NCAPD3: variants seen among roughly 807,000 people sequenced by gnomAD.
NCAPD3 encodes the protein condensin-2 complex subunit D3.
NCAPD3 carries 105 observed loss-of-function variants against 182.9 expected under a neutral mutation model. The observed-to-expected ratio is 0.57, with a 90% CI of 0.49 to 0.68. The LOEUF is 0.68. Among genes scored for constraint, NCAPD3 ranks in the 30% least tolerant of loss-of-function variants. The pLI is 0.00. For synonymous variants in NCAPD3, 815 were observed against 679.9 expected (o/e 1.20, Z -3.09); for missense variants, 1,944 against 1,837.0 (o/e 1.06, Z -1.07).
At chr11:134,197,152 C>A (rs1429999058) in intron 13 of NCAPD3, among the ~76,000 whole-genome samples, 1 of 152,072 alleles carries the variant, frequency 6.6e-6, no homozygotes, top group African/African-American at 2.4e-5. Flanking sequence ...TGGCTTTCTG[C>A]TATGATTCTA....
chr11:134,159,939 C>T lies in NCAPD3; in HGVS notation c.3820G>A (p.Asp1274Asn), dbSNP rs1211992322. The T allele has an allele frequency of 6.2e-7, 1 of 1,613,990 alleles. No individual in the cohort carries two copies. Among genetic ancestry groups the T allele is most frequent in the South Asian group, 1.1e-5 (1 of 91,078 alleles). The change falls in exon 29 of 35, where the codon GAT (aspartate) becomes AAT (asparagine). Residue 1274 changes from aspartate (D) to asparagine (N), a missense_variant. Asp to Asn is a conservative substitution (Grantham distance 23). This residue lies in a region of NCAPD3 where 1,803 missense variants were observed against 1,674.6 expected (regional missense o/e 1.08). Transcript: ENST00000534548. ...VQEQELAKHA[D>N]VAGTAGGAEV... ...GCACCTCCAGCCGTCCCGGCCACAT[C>T]TGCATGTTTTGCTAGCTCCTGCTCC...
At chr11:134,175,220 G>T (rs768194033) in intron 24 of NCAPD3, among the ~76,000 whole-genome samples, 1 of 152,124 alleles carries the variant, frequency 6.6e-6, no homozygotes, top group Non-Finnish European at 1.5e-5. Flanking sequence ...GGAAATGCAG[G>T]TTAAGTAACC....
intron 2 of NCAPD3, among the ~76,000 whole-genome samples, chr11:134,220,049 C>T (rs1938169526): frequency 6.6e-6 from 1 of 152,172 alleles, no homozygotes; most frequent in South Asian, 2.1e-4. Flanking sequence ...CCACCTCGGC[C>T]TCCCAAAGTA....
At position 134,218,829 on chromosome 11, in the gene NCAPD3, C is replaced by G. The variant is rs144421105; in HGVS notation, c.220-1731G>C. On this transcript the variant is annotated intron_variant, in intron 2 of 34. Transcript: ENST00000534548. Reference sequence around the variant, plus strand: ...ACTCATAACACCTGGATCACCAATACAGTCTCCCAAGGGCTCTCCCTGCAC... The same window carrying G: ...ACTCATAACACCTGGATCACCAATAGAGTCTCCCAAGGGCTCTCCCTGCAC... Among the ~76,000 whole-genome samples the G allele has an allele frequency of 5.2e-3, 786 of 152,288 alleles. 8 individuals are homozygous for G. Among genetic ancestry groups the G allele is most frequent in the African/African-American group, 0.018 (742 of 41,544 alleles).
chr11:134,163,924 G>A (rs1482120184), intron 27 of NCAPD3, among the ~76,000 whole-genome samples: 3 of 150,968 alleles, frequency 2.0e-5, no homozygotes, highest in Non-Finnish European at 4.4e-5. Context: ...CTGGCAGCAA[G>A]GTGGTACATG....
chr11:134,196,341 GAGTAAAGA>G (rs1944627088), intron 13 of NCAPD3, among the ~76,000 whole-genome samples: 1 of 152,028 alleles, frequency 6.6e-6, no homozygotes, highest in African/African-American at 2.4e-5. Context: ...TACCTGTAAC[GAGTAAAGA>G]AACTAAATTA....
intron 4 of NCAPD3, among the ~76,000 whole-genome samples, chr11:134,210,055 C>CAAAAAG (rs549596236): frequency 9.3e-5 from 14 of 150,540 alleles, no homozygotes; most frequent in Admixed American, 3.3e-4. Context: ...GACTCTGTCT[C>CAAAAAG]AAAAAGAAAA....
chr11:134,167,345 C>CAGTT (rs10656991), intron 27 of NCAPD3, among the ~76,000 whole-genome samples: 1,179 of 49,148 alleles, frequency 0.024, 129 homozygotes, highest in Middle Eastern at 0.1. Context: ...GGCGCACACT[C>CAGTT]GTGAGATGAG....
intron 16 of NCAPD3, chr11:134,186,215 G>C (rs1159745422): frequency 6.6e-6 from 1 of 152,198 alleles, no homozygotes. Flanking sequence ...ACTAGTTTTT[G>C]AGACAGGGTC....
chr11:134,202,373 C>T (rs982835214), intron 13 of NCAPD3, among the ~76,000 whole-genome samples: 1 of 152,038 alleles, frequency 6.6e-6, no homozygotes, highest in African/African-American at 2.4e-5. Flanking sequence ...AGCAGACTGC[C>T]CTGCAGTGTT....
At position 134,155,397 on chromosome 11, in the gene NCAPD3, C is replaced by T. The variant is rs553750761; in HGVS notation, c.4252+1621G>A. ...AACAGTTCTCCCAGGAAGGGGAGAC[C>T]TCCAGGCATTTCTTCCTGGTTCAGT... is the stretch of plus-strand genomic sequence containing the variant. On this transcript the variant is annotated intron_variant, in intron 32 of 34. Transcript: ENST00000534548. 3.0e-4 allele frequency among the ~76,000 whole-genome samples: 45 copies of T among 152,222 alleles called. 2 individuals are homozygous for T. In the South Asian group the frequency reaches 8.1e-3, roughly 27 times the overall value.
At chr11:134,153,747 A>C (rs1591816208) in intron 32 of NCAPD3, 1 of 257,444 alleles carries the variant, frequency 3.9e-6, no homozygotes, top group Non-Finnish European at 7.6e-6. Flanking sequence ...TTGCCTCTGC[A>C]CCTCCACGCG....
intron 11 of NCAPD3, 84 bp downstream of exon 11, chr11:134,203,569 TG>T (rs1385245765): frequency 6.6e-7 from 1 of 1,517,488 alleles, no homozygotes; most frequent in Admixed American, 1.9e-5. Context: ...CTATTACTTT[TG>T]CCACAGAAAA....
intron 13 of NCAPD3, among the ~76,000 whole-genome samples, chr11:134,195,717 A>T (rs1944614566): frequency 6.6e-6 from 1 of 151,776 alleles, no homozygotes; most frequent in Non-Finnish European, 1.5e-5. Context: ...CCCGATTTTA[A>T]AAAAAAAGAA....
intron 12 of NCAPD3, 83 bp downstream of exon 12, chr11:134,203,059 A>G: frequency 8.2e-7 from 1 of 1,224,782 alleles, no homozygotes; most frequent in South Asian, 1.3e-5. Context: ...CAGGTAAATA[A>G]GGAGGTAAGA....
At chr11:134,186,952 A>G (rs1326515428) in intron 16 of NCAPD3, among the ~76,000 whole-genome samples, 1 of 152,202 alleles carries the variant, frequency 6.6e-6, no homozygotes, top group Non-Finnish European at 1.5e-5. Flanking sequence ...GTATTTTTAA[A>G]TTTATTTAAA....
At chr11:134,184,804 T>TAC in intron 18 of NCAPD3, 52 bp from the exon 19 acceptor site, 1 of 1,000,978 alleles carries the variant, frequency 1.0e-6, no homozygotes, top group African/African-American at 2.9e-5. Flanking sequence ...TATATTCAGG[T>TAC]ATATATACAC....
chr11:134,179,375 G>C (rs1028852741), intron 20 of NCAPD3, among the ~76,000 whole-genome samples: 2 of 152,118 alleles, frequency 1.3e-5, no homozygotes, highest in Non-Finnish European at 2.9e-5. Flanking sequence ...ATAGTATTTT[G>C]AAGTCTGCAA....
At chr11:134,194,252 A>C in intron 14 of NCAPD3, 102 bp from the exon 15 acceptor site, 1 of 1,288,734 alleles carries the variant, frequency 7.8e-7, no homozygotes, top group Non-Finnish European at 1.1e-6. Flanking sequence ...GTGGTTCTTA[A>C]CATTTTGGGG....
Sources: gnomAD v4.1 joint callset for allele counts (sites outside exome capture counted in the v4.1 genomes callset) on GRCh38, gnomAD v4.1.1 for gene constraint, gnomAD v4.1.1 regional missense constraint, MANE v1.5 for transcripts, NCBI Gene and HGNC (gene_info 2026-07-23, HGNC 2026-07-21) for gene names.